VILL: variants seen among roughly 807,000 people sequenced by gnomAD.
The protein encoded by VILL is villin like, also known as villin-like protein.
Under a neutral mutation model 106.3 loss-of-function variants are expected in VILL, and 102 were observed. That is an observed-to-expected ratio of 0.96 (90% CI 0.82 to 1.13). The LOEUF (loss-of-function observed/expected upper bound fraction) is 1.13, where lower values mean the gene tolerates loss of function less well. Among genes scored for constraint, VILL ranks in the 50% most tolerant of loss-of-function variants. The pLI, the probability that VILL is intolerant of heterozygous loss-of-function variation, is 0.00. For synonymous variants in VILL, 431 were observed against 440.3 expected (o/e 0.98, Z 0.27); for missense variants, 1,076 against 1,116.6 (o/e 0.96, Z 0.52).
At chr3:37,988,402 T>C (rs1055121418), upstream of VILL, among the ~76,000 whole-genome samples, 4 of 152,144 alleles carry the variant, frequency 2.6e-5, no homozygotes, top group African/African-American at 9.7e-5. Flanking sequence ...GTCAAAATCA[T>C]AGAAAATAGA....
Position 37,998,854 on chromosome 3 carries a change from G to C in VILL, c.943-58G>C, listed in dbSNP as rs879267767. The C allele has an allele frequency of 6.5e-7, 1 of 1,548,608 alleles. No homozygotes were observed. Among genetic ancestry groups the C allele is most frequent in the African/African-American group, 1.4e-5 (1 of 72,650 alleles). On this transcript the variant is annotated intron_variant, in intron 9 of 19. Coordinates refer to ENST00000383759, the MANE Select transcript of VILL (RefSeq NM_015873.4). The surrounding 1 kb of genome is among the most constrained non-coding windows in gnomAD (Gnocchi z 4.1). ...GTCCCAGAGCGGTAGGTCCCCAGGA[G>C]CGGCAGTGGGGCAGTGGACTCTCAG...
At chr3:38,005,619 C>T (rs568800151) in intron 16 of VILL, among the ~76,000 whole-genome samples, 173 bp from the exon 17 acceptor site, 1 of 152,282 alleles carries the variant, frequency 6.6e-6, no homozygotes, top group South Asian at 2.1e-4. Flanking sequence ...TTCCTGTGAC[C>T]TTCTCGTGTG....
chr3:38,001,215 G>T (rs1699809082), intron 11 of VILL: 1 of 608,454 alleles, frequency 1.6e-6, no homozygotes, highest in Non-Finnish European at 2.9e-6. Flanking sequence ...ATGTGGCTGG[G>T]ATTGGGCCCA....
rs9682467 is a variant in VILL at position 38,000,934 on chromosome 3, A to G, written c.1183-522A>G. 9.3e-3 allele frequency: 4,241 copies of G among 457,040 alleles called. 43 individuals are homozygous for G. Among genetic ancestry groups the G allele is most frequent in the Non-Finnish European group, 0.014 (3,219 of 227,166 alleles). The allele number at this position is 457,040 out of a possible 1,614,324, so 28.3% of individuals were successfully genotyped here. A position where few individuals can be genotyped will look rare whatever the true frequency, so the allele number is the denominator to read the frequency against. On this transcript the variant is annotated intron_variant, in intron 11 of 19. Coordinates refer to ENST00000383759, the MANE Select transcript of VILL (RefSeq NM_015873.4). ...ACTGCCAACACAGGGCCTACCTGGG[A>G]TTTGACCAGAGTCCGCCTGGCTCCA...
Position 38,005,883 on chromosome 3 carries a change from G to A in VILL, c.2042G>A (p.Ser681Asn), listed in dbSNP as rs138041818. 4 of 1,614,148 alleles carry A rather than the reference G, an allele frequency of 2.5e-6. No homozygotes were observed. The highest frequency in any genetic ancestry group is 1.3e-5 in the African/African-American group (1 of 75,034). Residue 681 changes from serine to asparagine, a missense_variant, in exon 17 of 20, where the codon AGC becomes AAC. By Grantham distance (46) the Ser-to-Asn change is conservative (BLOSUM62 1). Coordinates refer to ENST00000383759, the MANE Select transcript of VILL (RefSeq NM_015873.4). Reference sequence around the variant, plus strand: ...CTGAAGACTCACCCAGCAGGGAGGAGCCCGGCCACACCCATCGTGCTGGTC... The same window carrying A: ...CTGAAGACTCACCCAGCAGGGAGGAACCCGGCCACACCCATCGTGCTGGTC... ...EYLKTHPAGRSPATPIVLVKQ... is the reference protein window; with the variant it reads ...EYLKTHPAGRNPATPIVLVKQ...
chr3:38,002,002 A>G, intron 13 of VILL, 142 bp downstream of exon 13: 1 of 1,365,060 alleles, frequency 7.3e-7, no homozygotes, highest in South Asian at 1.3e-5. Flanking sequence ...TCCAAGGCCC[A>G]GGAGCTCCAA....
rs1397671468 is a variant in VILL at position 38,002,975 on chromosome 3, CT to C, written c.1660-192del. 6 of 720,630 alleles carry C rather than the reference CT, an allele frequency of 8.3e-6. No individual in the cohort carries two copies. The African/African-American group carries it at 1.1e-4, about 13-fold the overall frequency. The allele number at this position is 720,630 out of a possible 1,614,324, so 44.6% of individuals were successfully genotyped here. On this transcript the variant is annotated intron_variant, in intron 14 of 19. Transcript: ENST00000383759. ...CTGGACCCTGCGAGGGTCCCAGACC[CT>C]GCGATCCAGATCAACTGGGGACACA...
rs964961031 is a variant in VILL at position 37,997,969 on chromosome 3, G to A, written c.765-121G>A. ...GCAGTAAAAGTGAAGACTACAACTC[G>A]GGGCCCCAGCCCCCATGCCTTCTGT... is the stretch of plus-strand genomic sequence containing the variant. On this transcript the variant is annotated intron_variant, in intron 7 of 19. Transcript: ENST00000383759. This position sits in a 1 kb window ranked among gnomAD's most constrained non-coding sequence, Gnocchi z 4.7. The A allele has an allele frequency of 2.7e-5, 29 of 1,092,762 alleles. No individual in the cohort carries two copies. Among genetic ancestry groups the A allele is most frequent in the East Asian group, 1.6e-4 (6 of 38,510 alleles). 67.7% of individuals were successfully genotyped at this position (1,092,762 alleles called of 1,614,324 possible).
intron 11 of VILL, 138 bp from the exon 12 acceptor site, chr3:38,001,317 TG>T: frequency 1.5e-6 from 2 of 1,293,952 alleles, no homozygotes; most frequent in Non-Finnish European, 2.1e-6. Flanking sequence ...AGAATGGGCC[TG>T]GAGCTGAGGG....
In VILL at chr3:37,995,736, C is replaced by T; in HGVS notation, c.342-3C>T. 6.2e-7 allele frequency: 1 copy of T among 1,612,326 alleles called. No individual in the cohort carries two copies. Among genetic ancestry groups the T allele is most frequent in the Non-Finnish European group, 8.5e-7 (1 of 1,178,582 alleles). On this transcript the variant is annotated splice_polypyrimidine_tract_variant and splice_region_variant and intron_variant, in intron 4 of 19. Transcript: ENST00000383759. ...ATATACCCTCCTGCTATTCCCACCT[C>T]AGCTACAGGAAGGGAGGCCTAGCAT...
At chr3:38,005,032 T>A (rs183915203) in intron 16 of VILL, among the ~76,000 whole-genome samples, 1 of 152,342 alleles carries the variant, frequency 6.6e-6, no homozygotes, top group Non-Finnish European at 1.5e-5. Flanking sequence ...CAGCTCTGTG[T>A]CTGACAACAG....
In VILL at chr3:37,998,067, C is replaced by T. The variant is rs758639829; in HGVS notation, c.765-23C>T. 1.4e-5 allele frequency: 22 copies of T among 1,586,726 alleles called. No individual in the cohort carries two copies. The highest frequency in any genetic ancestry group is 1.2e-4 in the African/African-American group (9 of 73,964). On this transcript the variant is annotated intron_variant, in intron 7 of 19. Transcript: ENST00000383759. This position sits in a 1 kb window ranked among gnomAD's most constrained non-coding sequence, Gnocchi z 4.1. ...GATCAGGGAGGGGCTGGGCTGGCCA[C>T]TCCTGGGTTCCTGTCCCCCCAGTGT... is the stretch of plus-strand genomic sequence containing the variant.
In VILL at chr3:37,999,026, A is replaced by C. The variant is rs750513890; in HGVS notation, c.1057A>C (p.Arg353=). ...LFRTWSEKRR[R]NQKLGGRDKS... Reference sequence around the variant, plus strand: ...CCGGACTTGGTCTGAGAAGCGGCGCAGGAACCAGAAGCTCGGCGGGAGGGG... The same window carrying C: ...CCGGACTTGGTCTGAGAAGCGGCGCCGGAACCAGAAGCTCGGCGGGAGGGG... Residue 353 remains arginine (R), a synonymous_variant, in exon 10 of 20, where the codon AGG becomes CGG. Transcript: ENST00000383759. The C allele has an allele frequency of 6.5e-7, 1 of 1,539,574 alleles. No individual in the cohort carries two copies. The highest frequency in any genetic ancestry group is 2.6e-5 in the East Asian group (1 of 38,798).
chr3:38,004,132 AGAG>A, intron 15 of VILL, 120 bp from the exon 16 acceptor site: 1 of 1,362,856 alleles, frequency 7.3e-7, no homozygotes, highest in East Asian at 2.4e-5. Context: ...CACGGGGCTC[AGAG>A]GAGGGCCCAG....
chr3:38,005,997 A>G, intron 17 of VILL, 23 bp downstream of exon 17: 1 of 1,600,056 alleles, frequency 6.2e-7, no homozygotes. Flanking sequence ...TGAAACCCCC[A>G]GCCCTACCCT....
At position 37,998,140 on chromosome 3, in the gene VILL, C is replaced by A. The variant is rs760312070; in HGVS notation, c.815C>A (p.Pro272Gln). 42 of 1,613,854 alleles carry A rather than the reference C, an allele frequency of 2.6e-5. 1 individual carries two copies. In the East Asian group the frequency reaches 9.4e-4, roughly 36 times the overall value. Residue 272 changes from proline (P) to glutamine (Q), a missense_variant, in exon 8 of 20, where the codon CCA becomes CAA. Pro to Gln is a moderately conservative substitution (Grantham distance 76, BLOSUM62 -1). Coordinates refer to ENST00000383759, the MANE Select transcript of VILL (RefSeq NM_015873.4). The surrounding 1 kb of genome is among the most constrained non-coding windows in gnomAD (Gnocchi z 4.1). ...GTGGTCCTGGAGTTGGCGACCCCCC[C>A]ACTGACCCAGGACCTGCTGCAGGAG... ...DLVVLELATPPLTQDLLQEED... is the reference protein window; with the variant it reads ...DLVVLELATPQLTQDLLQEED...
At chr3:38,004,528 G>A (rs1699879801) in intron 16 of VILL, 129 bp downstream of exon 16, 2 of 1,263,024 alleles carry the variant, frequency 1.6e-6, no homozygotes, top group Non-Finnish European at 1.1e-6. Flanking sequence ...CCCTGTCACT[G>A]AGCAATTGCA....
Position 37,998,953 on chromosome 3 carries a change from G to A in VILL, c.984G>A (p.Val328=), listed in dbSNP as rs1365632262. 1 of 1,610,472 alleles carries A rather than the reference G, an allele frequency of 6.2e-7. No homozygotes were observed. The highest frequency in any genetic ancestry group is 1.7e-4 in the Middle Eastern group (1 of 6,048). Residue 328 remains valine, a synonymous_variant, in exon 10 of 20, where the codon GTG becomes GTA. Coordinates refer to ENST00000383759, the MANE Select transcript of VILL (RefSeq NM_015873.4). This position sits in a 1 kb window ranked among gnomAD's most constrained non-coding sequence, Gnocchi z 4.1. ...AGGGCTACCCGACCTACACCAACGT[G>A]GAGGTGGTGAACGACGGCGCCGAGT... is the stretch of plus-strand genomic sequence containing the variant. ...QAKGYPTYTN[V]EVVNDGAESA...
intron 11 of VILL, chr3:38,000,954 G>A: frequency 2.2e-6 from 1 of 457,302 alleles, no homozygotes; most frequent in South Asian, 1.5e-5. Flanking sequence ...AGTCCGCCTG[G>A]CTCCAGGCTC....
Sources: gnomAD v4.1 joint callset for allele counts (sites outside exome capture counted in the v4.1 genomes callset) on GRCh38, gnomAD v4.1.1 for gene constraint, Gnocchi (gnomAD v3.1) non-coding constraint, MANE v1.5 for transcripts, NCBI Gene and HGNC (gene_info 2026-07-23, HGNC 2026-07-21) for gene names.